The following PPM1H variants were observed in gnomAD, a reference collection of about 807,000 sequenced individuals.
PPM1H encodes protein phosphatase, Mg2+/Mn2+ dependent 1H.
PPM1H carries 27 observed loss-of-function variants against 54.9 expected under a neutral mutation model. The observed-to-expected ratio is 0.49, with a 90% confidence interval of 0.36 to 0.68. PPM1H has a LOEUF of 0.68. Ranked by LOEUF, PPM1H falls within the 30% of genes least tolerant of loss-of-function variation. The probability of loss-of-function intolerance (pLI) is 0.00; values close to 1 mark genes in which losing one functional copy is unlikely to be tolerated. For missense variants in PPM1H, 596 were observed against 667.8 expected (o/e 0.89, Z 1.19); for synonymous variants, 305 against 270.8 (o/e 1.13, Z -1.24).
intron 5 of PPM1H, among the ~76,000 whole-genome samples, chr12:62,727,309 G>A (rs1215668448): frequency 6.6e-6 from 1 of 151,878 alleles, no homozygotes; most frequent in African/African-American, 2.4e-5. Context: ...ATGAATACAG[G>A]ACATTCTGAC....
At chr12:62,663,068 G>T (rs1020810965) in intron 9 of PPM1H, among the ~76,000 whole-genome samples, 1 of 152,190 alleles carries the variant, frequency 6.6e-6, no homozygotes, top group Non-Finnish European at 1.5e-5. Context: ...GCTCATTTTG[G>T]GGGTGGGGGA....
intron 8 of PPM1H, among the ~76,000 whole-genome samples, chr12:62,684,052 C>T (rs956473039): frequency 2.6e-5 from 4 of 152,192 alleles, no homozygotes; most frequent in African/African-American, 7.2e-5. Flanking sequence ...CTCCACTGAA[C>T]TCTTTCAGGA....
intron 1 of PPM1H, among the ~76,000 whole-genome samples, chr12:62,905,649 A>G (rs1205894795): frequency 2.0e-5 from 3 of 152,174 alleles, no homozygotes; most frequent in African/African-American, 7.2e-5. Flanking sequence ...GAACTTAGTA[A>G]TACTAGTCCT....
intron 3 of PPM1H, among the ~76,000 whole-genome samples, chr12:62,801,568 A>C (rs1327420059): frequency 2.0e-5 from 3 of 152,146 alleles, no homozygotes; most frequent in African/African-American, 7.2e-5. Context: ...GGCCTCCCAA[A>C]GTGCTGGGAT....
At position 62,833,043 on chromosome 12, in the gene PPM1H, A is replaced by G. The variant is rs1868398410; in HGVS notation, c.246-764T>C. Among the ~76,000 whole-genome samples, 3 of 152,304 alleles carry G rather than the reference A, an allele frequency of 2.0e-5. No individual in the cohort carries two copies. The South Asian group carries it at 6.2e-4, about 32-fold the overall frequency. On this transcript the variant is annotated intron_variant, in intron 1 of 9. Coordinates refer to ENST00000228705, the MANE Select transcript of PPM1H (RefSeq NM_020700.2). ...ACCTTTTTCTCTATCAGGTGACTAT[A>G]GACTCAACTCTTGGGTTTCCGCACC...
intron 2 of PPM1H, among the ~76,000 whole-genome samples, chr12:62,822,487 T>C (rs1331109502): frequency 2.0e-5 from 3 of 150,488 alleles, no homozygotes; most frequent in African/African-American, 4.9e-5. Context: ...TCCAAAAGAG[T>C]TGGAAGTAAA....
chr12:62,780,438 C>A (rs1388542136), intron 4 of PPM1H, among the ~76,000 whole-genome samples: 1 of 152,148 alleles, frequency 6.6e-6, no homozygotes, highest in African/African-American at 2.4e-5. Context: ...GTAGCTGGGA[C>A]CACAGGCATG....
intron 4 of PPM1H, among the ~76,000 whole-genome samples, chr12:62,771,528 CCAAAAGTTCATGTAGCCCTTTCATATG>C (rs149608735): frequency 0.018 from 2,807 of 152,198 alleles, 87 homozygotes; most frequent in African/African-American, 0.064. Context: ...TTACATCAGC[CCAAAAGTTCATGTAGCCCTTTCATATG>C]CAAGCCATCT....
chr12:62,745,131 T>C (rs1042083227), intron 4 of PPM1H, among the ~76,000 whole-genome samples: 8 of 152,334 alleles, frequency 5.3e-5, no homozygotes, highest in African/African-American at 1.7e-4. Context: ...TGATAACATA[T>C]AATTATGTTT....
chr12:62,686,932 C>T (rs1300827897), intron 8 of PPM1H, among the ~76,000 whole-genome samples: 1 of 152,170 alleles, frequency 6.6e-6, no homozygotes, highest in Non-Finnish European at 1.5e-5. Flanking sequence ...GTCTAGGTGA[C>T]TGTTTGTGCC....
At chr12:62,655,280 T>C (rs1449550693) in intron 9 of PPM1H, among the ~76,000 whole-genome samples, 1 of 152,130 alleles carries the variant, frequency 6.6e-6, no homozygotes, top group Non-Finnish European at 1.5e-5. Flanking sequence ...CAGAGCTCAT[T>C]TGCATCCATC....
chr12:62,929,431 T>C (rs1592675707), intron 1 of PPM1H, among the ~76,000 whole-genome samples: 1 of 152,344 alleles, frequency 6.6e-6, no homozygotes, highest in South Asian at 2.1e-4. Flanking sequence ...AGTTTATTTC[T>C]ACCAAACATT....
At chr12:62,776,323 T>C (rs2076611007) in intron 4 of PPM1H, among the ~76,000 whole-genome samples, 1 of 152,240 alleles carries the variant, frequency 6.6e-6, no homozygotes, top group Admixed American at 6.5e-5. Context: ...CATTTGAAAC[T>C]GCAACCCACC....
In PPM1H at chr12:62,752,221, T is replaced by C. The variant is rs1325318398; in HGVS notation, c.870-14635A>G. On this transcript the variant is annotated intron_variant, in intron 4 of 9. Coordinates refer to ENST00000228705, the MANE Select transcript of PPM1H (RefSeq NM_020700.2). ...AATGAGTATATGTATGAAGGGACTT[T>C]ATAGATTATTAGTGATGCTGAATGA... is the stretch of plus-strand genomic sequence containing the variant. Among the ~76,000 whole-genome samples the C allele has an allele frequency of 2.0e-5, 3 of 152,224 alleles. No individual in the cohort carries two copies. The East Asian group carries it at 5.8e-4, about 29-fold the overall frequency.
At chr12:62,881,198 G>T (rs561913773) in intron 1 of PPM1H, among the ~76,000 whole-genome samples, 3 of 152,282 alleles carry the variant, frequency 2.0e-5, no homozygotes, top group African/African-American at 4.8e-5. Flanking sequence ...GGGCTACAAG[G>T]AAGACCTTCT....
intron 4 of PPM1H, among the ~76,000 whole-genome samples, chr12:62,765,480 T>C (rs1173151870): frequency 5.3e-5 from 8 of 152,204 alleles, no homozygotes; most frequent in Admixed American, 5.2e-4. Context: ...GTATCAACGC[T>C]GTCATGGTCT....
At chr12:62,749,631 G>T (rs1363782478) in intron 4 of PPM1H, among the ~76,000 whole-genome samples, 1 of 152,164 alleles carries the variant, frequency 6.6e-6, no homozygotes, top group Non-Finnish European at 1.5e-5. Flanking sequence ...AAGCTTAACA[G>T]CCTGGAATCA....
rs1344730265 is a variant in PPM1H at position 62,810,433 on chromosome 12, T to C, written c.412-8273A>G. On this transcript the variant is annotated intron_variant, in intron 2 of 9. Coordinates refer to ENST00000228705, the MANE Select transcript of PPM1H (RefSeq NM_020700.2). Reference sequence around the variant, plus strand: ...GCTGTACTTGATTTGCTGAGCCTCGTTCCTACATAACCAGTATGAAACTCA... The same window carrying C: ...GCTGTACTTGATTTGCTGAGCCTCGCTCCTACATAACCAGTATGAAACTCA... Among the ~76,000 whole-genome samples, 5 of 152,190 alleles carry C rather than the reference T, an allele frequency of 3.3e-5. 1 individual carries two copies. Among genetic ancestry groups the C allele is most frequent in the Non-Finnish European group, 7.3e-5 (5 of 68,038 alleles).
intron 9 of PPM1H, among the ~76,000 whole-genome samples, chr12:62,652,241 C>T (rs192362076): frequency 2.0e-4 from 31 of 152,242 alleles, no homozygotes; most frequent in Middle Eastern, 3.4e-3. Context: ...GAGACAGGGC[C>T]TCGCTCTGTC....
Sources: gnomAD v4.1 joint callset for allele counts (sites outside exome capture counted in the v4.1 genomes callset) on GRCh38, gnomAD v4.1.1 for gene constraint, MANE v1.5 for transcripts, NCBI Gene and HGNC (gene_info 2026-07-23, HGNC 2026-07-21) for gene names.